Variants in NME9 observed in about 807,000 individuals in gnomAD.
NME9 encodes NME/NM23 family member 9.
Under a neutral mutation model 44.4 loss-of-function variants are expected in NME9, and 48 were observed. The observed-to-expected ratio is 1.08, with a 90% CI of 0.86 to 1.37. NME9 has a LOEUF of 1.37. Among genes scored for constraint, NME9 ranks in the 40% most tolerant of loss-of-function variants. The pLI, the probability that NME9 is intolerant of heterozygous loss-of-function variation, is 0.00. For missense variants in NME9, 325 were observed against 405.2 expected (o/e 0.80, Z 1.70); for synonymous variants, 139 against 147.1 (o/e 0.94, Z 0.40).
At chr3:138,285,292 CTTA>C (rs2050300397) in intron 8 of NME9, among the ~76,000 whole-genome samples, 1 of 152,140 alleles carries the variant, frequency 6.6e-6, no homozygotes, top group Non-Finnish European at 1.5e-5. Context: ...AGCTTTTTGT[CTTA>C]TTAAGAGAAG....
chr3:138,274,206 A>G (rs186435076), intron 8 of NME9, among the ~76,000 whole-genome samples: 43 of 151,174 alleles, frequency 2.8e-4, no homozygotes, highest in South Asian at 6.3e-4. Flanking sequence ...TTATGTATGT[A>G]TGTATGTATG....
At chr3:138,328,685 G>A (rs2053943255) in intron 1 of NME9, among the ~76,000 whole-genome samples, 1 of 152,140 alleles carries the variant, frequency 6.6e-6, no homozygotes, top group African/African-American at 2.4e-5. Flanking sequence ...CATCACTTCA[G>A]AATCAACCAC....
At chr3:138,265,154 A>C (rs1398257441) in intron 8 of NME9, among the ~76,000 whole-genome samples, 4 of 152,002 alleles carry the variant, frequency 2.6e-5, no homozygotes, top group Non-Finnish European at 5.9e-5. Flanking sequence ...TTGGCCTCCC[A>C]AAGTGTTGGC....
chr3:138,303,407 A>G, intron 10 of NME9, 100 bp downstream of exon 10: 2 of 891,326 alleles, frequency 2.2e-6, no homozygotes, highest in East Asian at 4.9e-5. Context: ...TTGAAGACTT[A>G]GTTACCAAAA....
intron 8 of NME9, among the ~76,000 whole-genome samples, chr3:138,293,495 C>T (rs1392370065): frequency 6.6e-6 from 1 of 151,814 alleles, no homozygotes; most frequent in African/African-American, 2.4e-5. Context: ...GCCGAGATTG[C>T]ACCAGTGCAC....
At chr3:138,299,208 A>C (rs1352936893), downstream of NME9, among the ~76,000 whole-genome samples, 1 of 152,100 alleles carries the variant, frequency 6.6e-6, no homozygotes, top group Non-Finnish European at 1.5e-5. Context: ...ATCTGGCTTT[A>C]GGGAAGGCTG....
chr3:138,288,980 C>T (rs1267690328), intron 8 of NME9: 3 of 1,320,326 alleles, frequency 2.3e-6, no homozygotes, highest in Admixed American at 2.0e-5. Flanking sequence ...ATGGTAGGTC[C>T]CCCCAAAAAA....
chr3:138,300,997 T>C (rs536019127), downstream of NME9: 1 of 936,446 alleles, frequency 1.1e-6, no homozygotes, highest in South Asian at 4.9e-5. Context: ...GTTCTAAAAT[T>C]GTTTAATTCA....
intron 8 of NME9, among the ~76,000 whole-genome samples, chr3:138,286,840 T>C (rs1279886278): frequency 4.6e-5 from 7 of 152,340 alleles, no homozygotes; most frequent in Admixed American, 4.6e-4. Context: ...TAGACCTCTC[T>C]TCCAAACTCT....
chr3:138,290,493 A>G, intron 8 of NME9: 1 of 1,316,782 alleles, frequency 7.6e-7, no homozygotes, highest in Non-Finnish European at 1.1e-6. Flanking sequence ...TTGTACATCA[A>G]AGAGAGCATT....
chr3:138,303,412 C>A, intron 10 of NME9, 95 bp downstream of exon 10: 2 of 983,926 alleles, frequency 2.0e-6, no homozygotes, highest in Non-Finnish European at 3.2e-6. Context: ...GACTTAGTTA[C>A]CAAAAATTAT....
At chr3:138,300,913 T>C (rs928738042), downstream of NME9, 13 of 243,688 alleles carry the variant, frequency 5.3e-5, no homozygotes, top group African/African-American at 2.8e-4. Flanking sequence ...TATATCTGCC[T>C]CGGCATCAGT....
At chr3:138,277,459 G>A (rs780761254) in intron 8 of NME9, among the ~76,000 whole-genome samples, 1 of 152,162 alleles carries the variant, frequency 6.6e-6, no homozygotes, top group Non-Finnish European at 1.5e-5. Context: ...AGACTGAAAC[G>A]ACAAGCCATC....
In NME9 at chr3:138,307,056, C is replaced by T. The variant is rs558598725; in HGVS notation, c.461-576G>A. Among the ~76,000 whole-genome samples, 3 of 152,336 alleles carry T rather than the reference C, an allele frequency of 2.0e-5. No homozygotes were observed. In the East Asian group the frequency reaches 5.8e-4, roughly 29 times the overall value. ...AAAATGGCTCCTCCAGGCCCTGAGT[C>T]TGCATGATGTTCCATGACTTCTCAG... On this transcript the variant is annotated intron_variant, in intron 6 of 10. Transcript: ENST00000333911.
At chr3:138,304,545 G>C (rs891281515) in intron 9 of NME9, among the ~76,000 whole-genome samples, 2 of 152,158 alleles carry the variant, frequency 1.3e-5, no homozygotes, top group Non-Finnish European at 2.9e-5. Context: ...GGCTTGAATG[G>C]GGCCCTAGAA....
chr3:138,307,453 TG>T (rs2052356915), intron 6 of NME9, among the ~76,000 whole-genome samples: 1 of 152,218 alleles, frequency 6.6e-6, no homozygotes, highest in African/African-American at 2.4e-5. Flanking sequence ...GCTTTTACAT[TG>T]GTTGTGTTGA....
chr3:138,279,269 A>G (rs2049630842), intron 8 of NME9, among the ~76,000 whole-genome samples: 1 of 152,178 alleles, frequency 6.6e-6, no homozygotes. Flanking sequence ...AACATGAGCC[A>G]TAGATTTTTT....
chr3:138,315,870 C>T (rs976360616), intron 4 of NME9, among the ~76,000 whole-genome samples: 14 of 152,116 alleles, frequency 9.2e-5, no homozygotes, highest in African/African-American at 2.7e-4. Context: ...CTTGCTCTGT[C>T]GCCCAGGCTG....
intron 8 of NME9, among the ~76,000 whole-genome samples, chr3:138,284,858 A>T (rs1214030926): frequency 1.3e-5 from 2 of 152,274 alleles, no homozygotes; most frequent in Admixed American, 6.5e-5. Context: ...CTTCAGTCCC[A>T]TGGTGGATGA....
Sources: gnomAD v4.1 joint callset for allele counts (sites outside exome capture counted in the v4.1 genomes callset) on GRCh38, gnomAD v4.1.1 for gene constraint, MANE v1.5 for transcripts, NCBI Gene and HGNC (gene_info 2026-07-23, HGNC 2026-07-21) for gene names.